The following IGFN1 variants were observed in gnomAD, a reference collection of about 807,000 sequenced individuals.
The protein encoded by IGFN1 is immunoglobulin-like and fibronectin type III domain-containing protein 1.
A neutral mutation model predicts 289.5 loss-of-function variants in IGFN1; 253 were observed. The observed-to-expected ratio is 0.87, with a 90% confidence interval of 0.79 to 0.97. IGFN1 has a LOEUF of 0.97. IGFN1 is among the 50% of genes least tolerant of loss of function. IGFN1 has a pLI of 0.00. For synonymous variants in IGFN1, 1,706 were observed against 1,788.5 expected, an observed-to-expected ratio of 0.95 and a Z score of 1.16; for missense variants, 4,470 against 4,686.1, an observed-to-expected ratio of 0.95 and a Z score of 1.35.
At position 201,200,225 on chromosome 1, in the gene IGFN1, C is replaced by T. The variant is rs1667088478; in HGVS notation, c.459-12C>T. 6.5e-7 allele frequency: 1 copy of T among 1,549,724 alleles called. No individual in the cohort carries two copies. The highest frequency in any genetic ancestry group is 1.4e-5 in the African/African-American group (1 of 73,004). On this transcript the variant is annotated splice_polypyrimidine_tract_variant and intron_variant, in intron 7 of 23. Transcript: ENST00000335211. ...TTCCTCTGGCCTCTGACCTGCTAGC[C>T]TTGCTCCCCAGGGCCCCACCAGCCC...
intron 20 of IGFN1, among the ~76,000 whole-genome samples, chr1:201,223,397 G>A (rs912536668): frequency 2.2e-5 from 3 of 138,084 alleles, no homozygotes; most frequent in Non-Finnish European, 3.2e-5. Flanking sequence ...TTGAGATGGA[G>A]TCTCACTCTG....
Position 201,213,480 on chromosome 1 carries a change from C to T in IGFN1, c.8587C>T (p.Arg2863Trp), listed in dbSNP as rs747766879. The T allele has an allele frequency of 6.2e-6, 10 of 1,613,842 alleles. No homozygotes were observed. Among genetic ancestry groups the T allele is most frequent in the African/African-American group, 5.3e-5 (4 of 74,850 alleles). Residue 2863 changes from arginine (R) to tryptophan (W), a missense_variant, in exon 12 of 24, where the codon CGG becomes TGG. Arg to Trp is a moderately radical substitution (Grantham distance 101, BLOSUM62 -3). This residue lies in a region of IGFN1 where 2,218 missense variants were observed against 2,114.1 expected (regional missense o/e 1.05). Transcript: ENST00000335211. ...LEEMLNEDQS[R>W]EPPGHLGSRR... ...GGAGATGCTGAATGAAGATCAGAGCCGGGAGCCCCCTGGTCACCTTGGTAG... is the reference window on the plus strand; with the variant it reads ...GGAGATGCTGAATGAAGATCAGAGCTGGGAGCCCCCTGGTCACCTTGGTAG...
Position 201,200,243 on chromosome 1 carries a change from A to C in IGFN1, c.465A>C (p.Pro155=). 1.3e-6 allele frequency: 2 copies of C among 1,551,548 alleles called. No individual in the cohort carries two copies. Among genetic ancestry groups the C allele is most frequent in the Non-Finnish European group, 1.7e-6 (2 of 1,146,854 alleles). Reference sequence around the variant, plus strand: ...TGCTAGCCTTGCTCCCCAGGGCCCCACCAGCCCCCAAGAAAAAGATGGACC... The same window carrying C: ...TGCTAGCCTTGCTCCCCAGGGCCCCCCCAGCCCCCAAGAAAAAGATGGACC... ...DFRKLLKKRA[P]PAPKKKMDLE... The change falls in exon 8 of 24, where the codon CCA becomes CCC. Residue 155 remains proline (P), a synonymous_variant. Transcript: ENST00000335211.
Position 201,209,061 on chromosome 1 carries a change from G to A in IGFN1, c.4168G>A (p.Ala1390Thr), listed in dbSNP as rs372469941. Residue 1390 changes from alanine to threonine, a missense_variant, in exon 12 of 24, where the codon GCA (alanine) becomes ACA (threonine). By Grantham distance (58) the Ala-to-Thr change is moderately conservative (BLOSUM62 0). Transcript: ENST00000335211. ...KDLGVPEGMG[A>T]GYRAGLRGPG... The stretch of plus-strand genomic sequence containing the variant: ...TTTGGGGGTTCCTGAGGGAATGGGT[G>A]CAGGTTACAGGGCTGGTTTAAGGGG... 115 of 1,535,670 alleles carry A rather than the reference G, an allele frequency of 7.5e-5. No homozygotes were observed. Among genetic ancestry groups the A allele is most frequent in the Non-Finnish European group, 9.0e-5 (103 of 1,146,402 alleles).
intron 8 of IGFN1, among the ~76,000 whole-genome samples, chr1:201,201,278 G>T (rs1377138200): frequency 6.6e-6 from 1 of 152,132 alleles, no homozygotes; most frequent in African/African-American, 2.4e-5. Flanking sequence ...TCTGAAAATG[G>T]AAAACAACTA....
chr1:201,205,405 G>A, intron 11 of IGFN1, 51 bp downstream of exon 11: 1 of 1,468,732 alleles, frequency 6.8e-7, no homozygotes. Flanking sequence ...AGACCTTGGG[G>A]CTGCGGAGGC....
rs567720080 is a variant in IGFN1 at position 201,194,753 on chromosome 1, T to G, written c.127+480T>G. Among the ~76,000 whole-genome samples the G allele has an allele frequency of 5.9e-5, 9 of 152,318 alleles. No individual in the cohort carries two copies. The South Asian group carries it at 1.9e-3, about 32-fold the overall frequency. On this transcript the variant is annotated intron_variant, in intron 3 of 23. Coordinates refer to ENST00000335211, the MANE Select transcript of IGFN1 (RefSeq NM_001164586.2). ...CATAAGAAGGTGTCCAAGAAAGTGG[T>G]GGGAACAAAGGCTTATTGGGGAAAA...
In IGFN1 at chr1:201,207,379, T is replaced by C; in HGVS notation, c.2486T>C (p.Ile829Thr). 1.3e-6 allele frequency: 2 copies of C among 1,536,638 alleles called. No homozygotes were observed. The highest frequency in any genetic ancestry group is 1.2e-5 in the South Asian group (1 of 83,982). ...WTAGHRAAGG[I>T]GRIESKGTSP... ...GCAGGTCACAGAGCAGCAGGGGGTA[T>C]TGGCAGAATAGAATCTAAGGGCACA... Residue 829 changes from isoleucine (I) to threonine (T), a missense_variant, in exon 12 of 24, where the codon ATT becomes ACT. Physicochemically the swap from Ile to Thr is moderately conservative, Grantham distance 89 (BLOSUM62 -1). This residue lies in a region of IGFN1 where 2,011 missense variants were observed against 1,953.4 expected (regional missense o/e 1.03). Transcript: ENST00000335211.
intron 1 of IGFN1, among the ~76,000 whole-genome samples, chr1:201,193,030 G>T (rs112086935): frequency 6.6e-5 from 10 of 152,274 alleles, no homozygotes; most frequent in African/African-American, 2.4e-4. Flanking sequence ...CAACTGGGTA[G>T]CATGCTACCC....
intron 1 of IGFN1, among the ~76,000 whole-genome samples, chr1:201,192,291 G>T (rs1666693536): frequency 6.6e-6 from 1 of 152,242 alleles, no homozygotes; most frequent in African/African-American, 2.4e-5. Context: ...TTAATGATAA[G>T]GCTCTTTGGG....
Position 201,211,531 on chromosome 1 carries a change from G to T in IGFN1, c.6638G>T (p.Gly2213Val), listed in dbSNP as rs1359599457. 1.3e-6 allele frequency: 2 copies of T among 1,521,952 alleles called. No individual in the cohort carries two copies. Among genetic ancestry groups the T allele is most frequent in the East Asian group, 5.0e-5 (2 of 39,680 alleles). 94.3% of individuals were successfully genotyped at this position (1,521,952 alleles called of 1,614,324 possible). A position where few individuals can be genotyped will look rare whatever the true frequency, so the allele number is the denominator to read the frequency against. ...SEEMGSVNKAGYRKDLGAPKG... is the reference protein window; with the variant it reads ...SEEMGSVNKAVYRKDLGAPKG... ...GAAATGGGGTCAGTGAATAAGGCAG[G>T]TTATAGGAAGGATTTGGGGGCTCCT... The change falls in exon 12 of 24, where the codon GGT (glycine) becomes GTT (valine). Residue 2213 changes from glycine to valine, a missense_variant. Coordinates refer to ENST00000335211, the MANE Select transcript of IGFN1 (RefSeq NM_001164586.2).
Position 201,215,831 on chromosome 1 carries a change from A to T in IGFN1, c.9288A>T (p.Gln3096His). 6.2e-7 allele frequency: 1 copy of T among 1,600,712 alleles called. No individual in the cohort carries two copies. The highest frequency in any genetic ancestry group is 8.5e-7 in the Non-Finnish European group (1 of 1,173,212). ...CTGTGCAGGCCGAGCTCACTCTGCA[A>T]GTCATAGGTACCAGCCCTGTCTTCC... ...GGSVQAELTLQVIDKPDPPQG... is the reference protein window; with the variant it reads ...GGSVQAELTLHVIDKPDPPQG... The change falls in exon 15 of 24, where the codon CAA (glutamine) becomes CAT (histidine). Residue 3096 changes from glutamine (Q) to histidine (H), a missense_variant. Transcript: ENST00000335211.
rs1357443023 is a variant in IGFN1, at chr1:201,207,498, G to C, written c.2605G>C (p.Gly869Arg). The C allele has an allele frequency of 5.2e-6, 8 of 1,534,890 alleles. No homozygotes were observed. Among genetic ancestry groups the C allele is most frequent in the Non-Finnish European group, 7.0e-6 (8 of 1,145,808 alleles). ...LGPSGGQEGM[G>R]GIWVAGLTES... ...GCCCAGTGGAGGACAAGAGGGTATG[G>C]GTGGTATCTGGGTGGCTGGACTGAC... The change falls in exon 12 of 24, where the codon GGT (glycine) becomes CGT (arginine). Residue 869 changes from glycine (G) to arginine (R), a missense_variant. Physicochemically the swap from Gly to Arg is moderately radical, Grantham distance 125. Coordinates refer to ENST00000335211, the MANE Select transcript of IGFN1 (RefSeq NM_001164586.2).
At position 201,206,427 on chromosome 1, in the gene IGFN1, G is replaced by C; in HGVS notation, c.1534G>C (p.Gly512Arg). ...CAGGGAAAATCAATCCCACAGAGAG[G>C]GAGGCTGGGCCAGAAGCCTTGCAGA... ...LPRENQSHRE[G>R]GWARSLAERP... The change falls in exon 12 of 24, where the codon GGA becomes CGA. Residue 512 changes from glycine to arginine, a missense_variant. Gly to Arg is a moderately radical substitution (Grantham distance 125, BLOSUM62 -2). This residue lies in a region of IGFN1 where 2,011 missense variants were observed against 1,953.4 expected (regional missense o/e 1.03). Transcript: ENST00000335211. 6.4e-7 allele frequency: 1 copy of C among 1,551,178 alleles called. No homozygotes were observed. Among genetic ancestry groups the C allele is most frequent in the East Asian group, 2.4e-5 (1 of 40,926 alleles).
Position 201,207,716 on chromosome 1 carries a change from T to C in IGFN1, c.2823T>C (p.Tyr941=). ...AAGGACCCAGAGGTGAGACAGGCTA[T>C]AAGGATGGCTTGGAAGGTCCCGGGA... ...RVKGPRGETG[Y]KDGLEGPGRM... is the part of the protein sequence containing the mutation. The change falls in exon 12 of 24, where the codon TAT becomes TAC. Residue 941 remains tyrosine, a synonymous_variant. Coordinates refer to ENST00000335211, the MANE Select transcript of IGFN1 (RefSeq NM_001164586.2). The C allele has an allele frequency of 2.0e-6, 3 of 1,537,068 alleles. No homozygotes were observed. The highest frequency in any genetic ancestry group is 2.6e-6 in the Non-Finnish European group (3 of 1,146,868).
chr1:201,198,356 G>A (rs575774952), intron 5 of IGFN1, among the ~76,000 whole-genome samples: 12 of 152,256 alleles, frequency 7.9e-5, no homozygotes, highest in African/African-American at 2.4e-4. Context: ...GGCTGGTCTC[G>A]AACTCCTGAC....
At position 201,215,700 on chromosome 1, in the gene IGFN1, G is replaced by C; in HGVS notation, c.9157G>C (p.Glu3053Gln). The C allele has an allele frequency of 6.2e-7, 1 of 1,613,678 alleles. No homozygotes were observed. Among genetic ancestry groups the C allele is most frequent in the Non-Finnish European group, 8.5e-7 (1 of 1,179,854 alleles). The stretch of plus-strand genomic sequence containing the variant: ...TGAGGTGGTGGGCAGCAGTGACAGG[G>C]AGGCCCAGGTGGACCTGGGGGATGG... Reference protein sequence around the residue: ...GAEVVGSSDREAQVDLGDGYT... With the variant: ...GAEVVGSSDRQAQVDLGDGYT... Residue 3053 changes from glutamate (E) to glutamine (Q), a missense_variant, in exon 15 of 24, where the codon GAG becomes CAG. Glu to Gln is a conservative substitution (Grantham distance 29). Transcript: ENST00000335211.
In IGFN1 at chr1:201,221,441, C is replaced by A; in HGVS notation, c.9899-3C>A. 6.4e-7 allele frequency: 1 copy of A among 1,561,980 alleles called. No homozygotes were observed. Among genetic ancestry groups the A allele is most frequent in the South Asian group, 1.2e-5 (1 of 81,612 alleles). ...TTCCTGACTCTCCCATGGTGCCTGGCAGGACCCCCTGGGCTGGTGAGGAAT... is the reference window on the plus strand; with the variant it reads ...TTCCTGACTCTCCCATGGTGCCTGGAAGGACCCCCTGGGCTGGTGAGGAAT... On this transcript the variant is annotated splice_polypyrimidine_tract_variant and splice_region_variant and intron_variant, in intron 18 of 23. Transcript: ENST00000335211.
intron 9 of IGFN1, among the ~76,000 whole-genome samples, chr1:201,202,227 G>C (rs1269997739): frequency 6.6e-6 from 1 of 152,182 alleles, no homozygotes; most frequent in Non-Finnish European, 1.5e-5. Context: ...GGCAGAGGCA[G>C]GTGGGGAGCA....
Sources: allele counts gnomAD v4.1 joint callset (sites outside exome capture counted in the v4.1 genomes callset), GRCh38; gene constraint gnomAD v4.1.1; regional missense constraint gnomAD v4.1.1; transcripts MANE v1.5; gene names NCBI Gene and HGNC (gene_info 2026-07-23, HGNC 2026-07-21).